Variants in YY1AP1 observed in about 807,000 individuals in gnomAD.
The protein encoded by YY1AP1 is YY1-associated protein 1.
In YY1AP1, 43 loss-of-function variants were observed where a neutral mutation model predicts 39.9. That is an observed-to-expected ratio of 1.08 (90% confidence interval 0.84 to 1.39). The LOEUF is 1.39. Among genes scored for constraint, YY1AP1 ranks in the 40% most tolerant of loss-of-function variants. The probability of loss-of-function intolerance (pLI) is 0.00; values close to 1 mark genes in which losing one functional copy is unlikely to be tolerated. For missense variants in YY1AP1, 813 were observed against 900.7 expected (o/e 0.90, Z 1.25); for synonymous variants, 292 against 331.3 (o/e 0.88, Z 1.29).
At chr1:155,666,050 CAA>C (rs1055029080) in intron 9 of YY1AP1, among the ~76,000 whole-genome samples, 4 of 151,772 alleles carry the variant, frequency 2.6e-5, no homozygotes, top group African/African-American at 9.7e-5. Context: ...ATCTGGGAAA[CAA>C]AATGTTCAGC....
At position 155,680,520 on chromosome 1, in the gene YY1AP1, T is replaced by C. The variant is rs558956191; in HGVS notation, c.-20-64A>G. On this transcript the variant is annotated intron_variant, in intron 2 of 10. Coordinates refer to ENST00000355499, the MANE Select transcript of YY1AP1 (RefSeq NM_139119.3). ...CATTTTACAATATGGAGGAATTCCA[T>C]GTAGACAATGTATGATGTTTTCAAC... is the stretch of plus-strand genomic sequence containing the variant. 1.2e-4 allele frequency: 165 copies of C among 1,352,490 alleles called. 1 individual carries two copies. In the South Asian group the frequency reaches 1.9e-3, roughly 15 times the overall value. 83.8% of individuals were successfully genotyped at this position (1,352,490 alleles called of 1,614,324 possible). A position where few individuals can be genotyped will look rare whatever the true frequency, so the allele number is the denominator to read the frequency against.
chr1:155,680,364 G>T, intron 3 of YY1AP1, 52 bp downstream of exon 3: 1 of 1,605,512 alleles, frequency 6.2e-7, no homozygotes, highest in Non-Finnish European at 8.5e-7. Flanking sequence ...GACACATTTT[G>T]TTGGAGAACC....
chr1:155,675,433 T>C (rs1180036962), intron 5 of YY1AP1, among the ~76,000 whole-genome samples: 1 of 152,062 alleles, frequency 6.6e-6, no homozygotes, highest in African/African-American at 2.4e-5. Context: ...GTTCAAGTGA[T>C]TCTCTTGCCT....
At position 155,687,151 on chromosome 1, in the gene YY1AP1, G is replaced by A. The variant is rs75256783; in HGVS notation, c.-21+920C>T. 0.059 allele frequency among the ~76,000 whole-genome samples: 8,901 copies of A among 152,112 alleles called. 1,458 individuals carry two copies. In the East Asian group the frequency reaches 0.65, roughly 11 times the overall value. On this transcript the variant is annotated intron_variant, in intron 2 of 10. Coordinates refer to ENST00000355499, the MANE Select transcript of YY1AP1 (RefSeq NM_139119.3). ...TATTGTAAACTATTACTATAAACCCGCGACAACAAATAAGGCCACCCATTC... is the reference window on the plus strand; with the variant it reads ...TATTGTAAACTATTACTATAAACCCACGACAACAAATAAGGCCACCCATTC...
At chr1:155,688,803 C>A, upstream of YY1AP1, 1 of 1,553,534 alleles carries the variant, frequency 6.4e-7, no homozygotes, top group East Asian at 2.4e-5. Flanking sequence ...TCCCACAGTC[C>A]CCACCGCGGG....
intron 6 of YY1AP1, among the ~76,000 whole-genome samples, chr1:155,673,679 G>C (rs1558308935): frequency 6.6e-6 from 1 of 151,992 alleles, no homozygotes. Flanking sequence ...AAGTTGCTGG[G>C]ACTACAGGCA....
intron 1 of YY1AP1, 22 bp from the exon 2 acceptor site, chr1:155,688,223 A>T: frequency 6.2e-7 from 1 of 1,613,424 alleles, no homozygotes; most frequent in South Asian, 1.1e-5. Context: ...GCGAGAGAGG[A>T]GAAGGGAAAG....
chr1:155,660,960 G>T, intron 10 of YY1AP1, 47 bp from the exon 11 acceptor site: 1 of 1,612,876 alleles, frequency 6.2e-7, no homozygotes, highest in Non-Finnish European at 8.5e-7. Flanking sequence ...CAGAATTTGG[G>T]AAAAAGAATA....
chr1:155,678,037 TAC>T (rs1013439962), intron 4 of YY1AP1, among the ~76,000 whole-genome samples: 9 of 152,318 alleles, frequency 5.9e-5, no homozygotes, highest in African/African-American at 2.2e-4. Context: ...GCTGCCCAAG[TAC>T]AGTCATGCGC....
intron 9 of YY1AP1, among the ~76,000 whole-genome samples, chr1:155,665,762 G>A (rs1383492106): frequency 2.2e-5 from 3 of 133,692 alleles, no homozygotes; most frequent in African/African-American, 8.5e-5. Flanking sequence ...CAGCCTGGGG[G>A]ACAGAGCAAG....
chr1:155,681,999 T>C (rs1453601947), intron 2 of YY1AP1, among the ~76,000 whole-genome samples: 1 of 152,138 alleles, frequency 6.6e-6, no homozygotes, highest in Non-Finnish European at 1.5e-5. Flanking sequence ...CTTATATGTG[T>C]ATTCAAGATA....
Position 155,668,654 on chromosome 1 carries a change from C to T in YY1AP1, c.852G>A (p.Met284Ile), listed in dbSNP as rs2149039249. The change falls in exon 9 of 11, where the codon ATG (methionine) becomes ATA (isoleucine). Residue 284 changes from methionine to isoleucine, a missense_variant. This residue lies in a region of YY1AP1 where 586 missense variants were observed against 647.4 expected (regional missense o/e 0.91). Transcript: ENST00000355499. ...QLTVRIKNLN[M>I]NRAPDNIIKF... ...TAATGATGTTGTCAGGAGCTCTGTT[C>T]ATGTTGAGGTTCTTGATTCTCACTG... 6.2e-7 allele frequency: 1 copy of T among 1,614,138 alleles called. No individual in the cohort carries two copies. Among genetic ancestry groups the T allele is most frequent in the Non-Finnish European group, 8.5e-7 (1 of 1,180,014 alleles).
chr1:155,684,565 TCTTG>T (rs1434288991), intron 2 of YY1AP1, among the ~76,000 whole-genome samples: 1 of 151,294 alleles, frequency 6.6e-6, no homozygotes, highest in Non-Finnish European at 1.5e-5. Flanking sequence ...TTTTTACATT[TCTTG>T]CTTTTTTTTT....
In YY1AP1 at chr1:155,660,458, A is replaced by G. The variant is rs1647893799; in HGVS notation, c.1452T>C (p.Pro484=). Residue 484 remains proline (P), a synonymous_variant, in exon 11 of 11, where the codon CCT becomes CCC. Transcript: ENST00000355499. ...TTGTCCTGGCCTCAGGGGGCATAGCAGGCAGTGCTGCAGGAGACTCAAAAC... is the reference window on the plus strand; with the variant it reads ...TTGTCCTGGCCTCAGGGGGCATAGCGGGCAGTGCTGCAGGAGACTCAAAAC... ...GESFESPAAL[P]AMPPEARTSF... 5 of 1,614,146 alleles carry G rather than the reference A, an allele frequency of 3.1e-6. No homozygotes were observed. Among genetic ancestry groups the G allele is most frequent in the Non-Finnish European group, 4.2e-6 (5 of 1,180,022 alleles).
At chr1:155,667,025 T>C (rs1649113910) in intron 9 of YY1AP1, among the ~76,000 whole-genome samples, 1 of 151,746 alleles carries the variant, frequency 6.6e-6, no homozygotes, top group Admixed American at 6.6e-5. Context: ...AATAAATAAA[T>C]AAATAAATTT....
intron 9 of YY1AP1, among the ~76,000 whole-genome samples, chr1:155,667,295 G>A (rs924359126): frequency 1.3e-5 from 2 of 151,980 alleles, no homozygotes; most frequent in African/African-American, 4.8e-5. Flanking sequence ...CTTGAGGTCA[G>A]GACTTCAAGA....
intron 2 of YY1AP1, among the ~76,000 whole-genome samples, chr1:155,686,542 G>C (rs1300208806): frequency 6.6e-6 from 1 of 151,740 alleles, no homozygotes; most frequent in Admixed American, 6.5e-5. Flanking sequence ...TATTTACAGA[G>C]ACACCTTGAT....
At position 155,660,671 on chromosome 1, in the gene YY1AP1, T is replaced by C. The variant is rs182978; in HGVS notation, c.1239A>G (p.Lys413=). 23,653 of 1,613,684 alleles carry C rather than the reference T, an allele frequency of 0.015. 3,127 individuals carry two copies. The African/African-American group carries it at 0.28, about 19-fold the overall frequency. ...AWRQKRSSVL[K]PLLIQPSPSL... ...AGGGGCTGGGTTGGATAAGGAGGGGTTTCAGGACTGATGAACGCTTCTGTC... is the reference window on the plus strand; with the variant it reads ...AGGGGCTGGGTTGGATAAGGAGGGGCTTCAGGACTGATGAACGCTTCTGTC... The change falls in exon 11 of 11, where the codon AAA becomes AAG. Residue 413 remains lysine, a synonymous_variant. Coordinates refer to ENST00000355499, the MANE Select transcript of YY1AP1 (RefSeq NM_139119.3).
intron 5 of YY1AP1, among the ~76,000 whole-genome samples, chr1:155,676,308 C>T (rs1650665477): frequency 1.3e-5 from 2 of 152,128 alleles, no homozygotes; most frequent in African/African-American, 4.8e-5. Context: ...TTACTGAGGA[C>T]TCTTTGAAAT....
Sources: gnomAD v4.1 joint callset for allele counts (sites outside exome capture counted in the v4.1 genomes callset) on GRCh38, gnomAD v4.1.1 for gene constraint, gnomAD v4.1.1 regional missense constraint, MANE v1.5 for transcripts, NCBI Gene and HGNC (gene_info 2026-07-23, HGNC 2026-07-21) for gene names.